TP53BP1: variants seen among roughly 807,000 people sequenced by gnomAD.
The protein encoded by TP53BP1 is TP53-binding protein 1.
In TP53BP1, 61 loss-of-function variants were observed where a neutral mutation model predicts 200.8. The ratio of observed to expected loss-of-function variants is 0.30; its 90% CI spans 0.25 to 0.38. The LOEUF is 0.38. Among genes scored for constraint, TP53BP1 ranks in the 10% least tolerant of loss-of-function variants. The pLI, the probability that TP53BP1 is intolerant of heterozygous loss-of-function variation, is 1.00. For missense variants in TP53BP1, 2,144 were observed against 2,371.9 expected, an observed-to-expected ratio of 0.90 and a Z score of 2.00; for synonymous variants, 822 against 844.3, an observed-to-expected ratio of 0.97 and a Z score of 0.46.
intron 24 of TP53BP1, chr15:43,412,823 C>G (rs2045157167): frequency 2.0e-6 from 1 of 511,998 alleles, no homozygotes; most frequent in Non-Finnish European, 3.9e-6. Flanking sequence ...AAAAAAAACA[C>G]AATTATTTAA....
At chr15:43,479,813 G>A in intron 6 of TP53BP1, 46 bp downstream of exon 6, 1 of 1,601,842 alleles carries the variant, frequency 6.2e-7, no homozygotes. Context: ...CCTCTAATAT[G>A]GGAGAAAACA....
intron 1 of TP53BP1, among the ~76,000 whole-genome samples, chr15:43,492,777 T>G (rs1211662177): frequency 2.2e-5 from 2 of 89,972 alleles, no homozygotes; most frequent in East Asian, 3.5e-4. Flanking sequence ...CCCCGCCACG[T>G]CCTTCTGGCG....
chr15:43,421,641 G>A (rs2045400645), intron 19 of TP53BP1: 1 of 645,310 alleles, frequency 1.5e-6, no homozygotes, highest in Non-Finnish European at 2.6e-6. Flanking sequence ...TTTCTCAGGG[G>A]CTGCTTTGCC....
intron 17 of TP53BP1, among the ~76,000 whole-genome samples, chr15:43,430,376 A>G (rs1054835701): frequency 6.6e-6 from 1 of 152,174 alleles, no homozygotes; most frequent in African/African-American, 2.4e-5. Flanking sequence ...ACCAATTTCA[A>G]TTTCTGTTAT....
At chr15:43,477,484 C>G (rs1566959177) in intron 8 of TP53BP1, 109 bp downstream of exon 8, 1 of 1,094,280 alleles carries the variant, frequency 9.1e-7, no homozygotes, top group Non-Finnish European at 1.3e-6. Flanking sequence ...ATATCACAAA[C>G]AAGTCTGCAA....
rs772450903 is a variant in TP53BP1 at position 43,475,572 on chromosome 15, G to C, written c.1078C>G (p.Leu360Val). The change falls in exon 9 of 28, where the codon CTT becomes GTT. Residue 360 changes from leucine (L) to valine (V), a missense_variant. By Grantham distance (32) the Leu-to-Val change is conservative. Transcript: ENST00000382044. ...TATTTTAGGCTTACTTACGTGGAAA[G>C]ACTGTCCTGAACAAGGGACCTCTGA... ...SGQRSLVQDS[L>V]STNSSDLVAP... 1.2e-6 allele frequency: 2 copies of C among 1,614,102 alleles called. No individual in the cohort carries two copies. The highest frequency in any genetic ancestry group is 2.2e-5 in the South Asian group (2 of 91,070).
chr15:43,492,993 G>T, intron 1 of TP53BP1, 44 bp downstream of exon 1: 1 of 1,589,464 alleles, frequency 6.3e-7, no homozygotes, highest in Non-Finnish European at 8.6e-7. Flanking sequence ...CCGAAATCCA[G>T]GCCTTCAGAG....
rs529483321 is a variant in TP53BP1, at chr15:43,407,641, G to A, written c.5747-71C>T. The A allele has an allele frequency of 4.7e-5, 68 of 1,433,862 alleles. No homozygotes were observed. The African/African-American group carries it at 8.2e-4, about 17-fold the overall frequency. The allele number at this position is 1,433,862 out of a possible 1,614,324, so 88.8% of individuals were successfully genotyped here. ...AGCCCTCCATTAGAAAGAGAGATTT[G>A]ATTCTAACCAATACATCCCACTCTG... On this transcript the variant is annotated intron_variant, in intron 27 of 27. Transcript: ENST00000382044.
At position 43,457,097 on chromosome 15, in the gene TP53BP1, T is replaced by A; in HGVS notation, c.1511A>T (p.Asn504Ile). 6.2e-7 allele frequency: 1 copy of A among 1,614,180 alleles called. No homozygotes were observed. Among genetic ancestry groups the A allele is most frequent in the Non-Finnish European group, 8.5e-7 (1 of 1,180,042 alleles). ...CSKTSEIEPK[N>I]SPEDLGLSLT... ...AGATAGCCCAAGATCCTCAGGGGAA[T>A]TCTTTGGTTCAATCTCTGAAGTTTT... is the stretch of plus-strand genomic sequence containing the variant. Residue 504 changes from asparagine (N) to isoleucine (I), a missense_variant, in exon 12 of 28, where the codon AAT (asparagine) becomes ATT (isoleucine). Coordinates refer to ENST00000382044, the MANE Select transcript of TP53BP1 (RefSeq NM_001141980.3).
intron 16 of TP53BP1, 142 bp from the exon 17 acceptor site, chr15:43,432,819 G>A: frequency 1.2e-6 from 1 of 868,760 alleles, no homozygotes; most frequent in Non-Finnish European, 1.7e-6. Context: ...AAGGGAGAAA[G>A]TCAGGTAGTC....
rs1043792557 is a variant in TP53BP1, at chr15:43,415,605, G to A, written c.5078C>T (p.Thr1693Ile). ...SPAKRGRKSATVKPGAVGAGE... is the reference protein window; with the variant it reads ...SPAKRGRKSAIVKPGAVGAGE... Reference sequence around the variant, plus strand: ...AAAGGAGCACTTACCAGGTTTTACTGTGGCAGACTTGCGACCTCGCTTGGC... The same window carrying A: ...AAAGGAGCACTTACCAGGTTTTACTATGGCAGACTTGCGACCTCGCTTGGC... The change falls in exon 23 of 28, where the codon ACA becomes ATA. Residue 1693 changes from threonine (T) to isoleucine (I), a missense_variant. Transcript: ENST00000382044. 3 of 1,614,102 alleles carry A rather than the reference G, an allele frequency of 1.9e-6. No individual in the cohort carries two copies. The highest frequency in any genetic ancestry group is 1.7e-5 in the Admixed American group (1 of 60,004).
intron 18 of TP53BP1, among the ~76,000 whole-genome samples, chr15:43,422,734 C>T (rs1416036366): frequency 1.3e-5 from 2 of 152,172 alleles, no homozygotes; most frequent in African/African-American, 4.8e-5. Context: ...TGGCTCACGC[C>T]TGTAATCCCA....
chr15:43,474,863 G>A, intron 9 of TP53BP1, 96 bp from the exon 10 acceptor site: 2 of 831,448 alleles, frequency 2.4e-6, no homozygotes, highest in South Asian at 3.3e-5. Context: ...AAATATCTAA[G>A]GCATTCAGAT....
chr15:43,463,094 G>A (rs1416268720), intron 11 of TP53BP1, among the ~76,000 whole-genome samples: 1 of 152,034 alleles, frequency 6.6e-6, no homozygotes, highest in Admixed American at 6.6e-5. Context: ...TAATTCAATG[G>A]CATTTGGTGC....
intron 12 of TP53BP1, among the ~76,000 whole-genome samples, chr15:43,451,759 C>T (rs1214639091): frequency 6.6e-6 from 1 of 152,228 alleles, no homozygotes; most frequent in Non-Finnish European, 1.5e-5. Context: ...GGAATCGCCA[C>T]AGTGACTTCC....
chr15:43,486,726 C>T (rs1019107800), intron 4 of TP53BP1, among the ~76,000 whole-genome samples: 1 of 152,110 alleles, frequency 6.6e-6, no homozygotes, highest in Non-Finnish European at 1.5e-5. Context: ...CAGGCTTAAG[C>T]GATCCTCCCA....
At chr15:43,422,525 AT>A (rs1344523635) in intron 18 of TP53BP1, among the ~76,000 whole-genome samples, 1 of 152,236 alleles carries the variant, frequency 6.6e-6, no homozygotes, top group Non-Finnish European at 1.5e-5. Flanking sequence ...ACAGAAGTAA[AT>A]TCTTATCTGA....
chr15:43,491,467 G>A (rs1489116666), intron 4 of TP53BP1, among the ~76,000 whole-genome samples: 2 of 152,066 alleles, frequency 1.3e-5, no homozygotes, highest in African/African-American at 4.8e-5. Flanking sequence ...TTTGAATAAT[G>A]TAGGTATAAA....
chr15:43,482,160 C>T (rs1385461425), intron 4 of TP53BP1, among the ~76,000 whole-genome samples: 2 of 151,596 alleles, frequency 1.3e-5, no homozygotes, highest in Non-Finnish European at 2.9e-5. Context: ...ACCCGGGAGG[C>T]AGAGCTTGCA....
Sources: gnomAD v4.1 joint callset for allele counts (sites outside exome capture counted in the v4.1 genomes callset) on GRCh38, gnomAD v4.1.1 for gene constraint, MANE v1.5 for transcripts, NCBI Gene and HGNC (gene_info 2026-07-23, HGNC 2026-07-21) for gene names.